Variants in LRIG1 observed in about 807,000 individuals in gnomAD.
LRIG1 encodes leucine-rich repeats and immunoglobulin-like domains protein 1.
Under a neutral mutation model 99.2 loss-of-function variants are expected in LRIG1, and 48 were observed. The ratio of observed to expected loss-of-function variants is 0.48; its 90% CI spans 0.38 to 0.62. The LOEUF (loss-of-function observed/expected upper bound fraction) is 0.62. Ranked by LOEUF, LRIG1 falls within the 20% of genes least tolerant of loss-of-function variation. The probability of loss-of-function intolerance (pLI) is 0.00; values close to 1 mark genes in which losing one functional copy is unlikely to be tolerated. For synonymous variants in LRIG1, 772 were observed against 596.1 expected (o/e 1.29, Z -4.30); for missense variants, 1,646 against 1,434.4 (o/e 1.15, Z -2.38).
At chr3:66,390,732 A>G (rs372411748) in intron 12 of LRIG1, among the ~76,000 whole-genome samples, 2 of 152,216 alleles carry the variant, frequency 1.3e-5, no homozygotes, top group African/African-American at 4.8e-5. Flanking sequence ...ATAAAGGAGG[A>G]AATCTTTGTG....
intron 2 of LRIG1, among the ~76,000 whole-genome samples, chr3:66,457,510 G>A (rs1467269792): frequency 6.6e-6 from 1 of 152,200 alleles, no homozygotes; most frequent in Admixed American, 6.5e-5. Context: ...AATGCACCCA[G>A]CTTGGAGGGC....
At chr3:66,391,198 C>T (rs1165386752) in intron 12 of LRIG1, among the ~76,000 whole-genome samples, 1 of 152,174 alleles carries the variant, frequency 6.6e-6, no homozygotes, top group Non-Finnish European at 1.5e-5. Flanking sequence ...TTGGAATTCT[C>T]ATGCATTGGT....
intron 9 of LRIG1, among the ~76,000 whole-genome samples, chr3:66,400,617 G>C (rs1702016349): frequency 6.6e-6 from 1 of 152,148 alleles, no homozygotes; most frequent in African/African-American, 2.4e-5. Flanking sequence ...CTTGGTCCAG[G>C]ATCTCACCTA....
chr3:66,438,956 G>A (rs540974001), intron 3 of LRIG1, among the ~76,000 whole-genome samples: 2 of 152,356 alleles, frequency 1.3e-5, no homozygotes, highest in East Asian at 3.9e-4. Context: ...ATCTCTCAGG[G>A]ACTACAGCTC....
chr3:66,426,971 C>T (rs960998470), intron 3 of LRIG1, among the ~76,000 whole-genome samples: 3 of 152,232 alleles, frequency 2.0e-5, no homozygotes, highest in African/African-American at 4.8e-5. Context: ...AATCTTAACA[C>T]GTCTTACTTA....
intron 1 of LRIG1, among the ~76,000 whole-genome samples, chr3:66,486,254 T>C (rs1017774001): frequency 2.0e-5 from 3 of 152,178 alleles, no homozygotes; most frequent in African/African-American, 7.2e-5. Flanking sequence ...TTTTTCCTTA[T>C]AACAAGCTTA....
At chr3:66,462,370 A>G (rs1038707392) in intron 2 of LRIG1, 68 bp downstream of exon 2, 47 of 1,143,956 alleles carry the variant, frequency 4.1e-5, no homozygotes, top group Non-Finnish European at 5.8e-5. Context: ...GCGATGCTGC[A>G]ATACAAGAGG....
At chr3:66,418,266 A>AT (rs980461788) in intron 3 of LRIG1, among the ~76,000 whole-genome samples, 9 of 151,556 alleles carry the variant, frequency 5.9e-5, no homozygotes, top group African/African-American at 1.9e-4. Flanking sequence ...TAATTTTTTA[A>AT]TTTTTTTTAG....
intron 2 of LRIG1, among the ~76,000 whole-genome samples, chr3:66,457,718 G>A (rs1575706586): frequency 6.6e-6 from 1 of 152,336 alleles, no homozygotes; most frequent in East Asian, 1.9e-4. Flanking sequence ...GTAAGGGGCA[G>A]AACCAGAAAT....
In LRIG1 at chr3:66,405,262, C is replaced by T. The variant is rs767551795; in HGVS notation, c.1096G>A (p.Glu366Lys). The T allele has an allele frequency of 4.3e-5, 70 of 1,614,024 alleles. No individual in the cohort carries two copies. Among genetic ancestry groups the T allele is most frequent in the Non-Finnish European group, 4.9e-5 (58 of 1,179,996 alleles). The stretch of plus-strand genomic sequence containing the variant: ...GTGTCCTCTATTGTGCCCGAAATCT[C>T]GTTATGGTCCAGATCCCTGGGGAGA... Reference protein sequence around the residue: ...SLRVLDLDHNEISGTIEDTSG... With the variant: ...SLRVLDLDHNKISGTIEDTSG... Residue 366 changes from glutamate to lysine, a missense_variant, in exon 9 of 19, where the codon GAG becomes AAG. Transcript: ENST00000273261.
chr3:66,433,543 T>A lies in LRIG1; in HGVS notation c.366-16277A>T, dbSNP rs116201361. ...CCTCTAAGACAAGATCCTCTCCTCC[T>A]CTGGGGAGGGATACCACTGATGTGC... On this transcript the variant is annotated intron_variant, in intron 3 of 18. Coordinates refer to ENST00000273261, the MANE Select transcript of LRIG1 (RefSeq NM_015541.3). Among the ~76,000 whole-genome samples, 681 of 152,338 alleles carry A rather than the reference T, an allele frequency of 4.5e-3. 8 individuals are homozygous for A. Among genetic ancestry groups the A allele is most frequent in the African/African-American group, 0.015 (641 of 41,584 alleles).
In LRIG1 at chr3:66,403,970, C is replaced by T. The variant is rs904318214; in HGVS notation, c.1160+1228G>A. 3.9e-5 allele frequency among the ~76,000 whole-genome samples: 6 copies of T among 152,210 alleles called. 1 individual carries two copies. The highest frequency in any genetic ancestry group is 9.6e-5 in the African/African-American group (4 of 41,466). ...CCCACTTGGTACTTCTGGCTCTTCC[C>T]AGGTTTGCCCCGTATGGGATAAAAA... On this transcript the variant is annotated intron_variant, in intron 9 of 18. Coordinates refer to ENST00000273261, the MANE Select transcript of LRIG1 (RefSeq NM_015541.3).
rs967925577 is a variant in LRIG1 at position 66,485,114 on chromosome 3, C to T, written c.218+15076G>A. Among the ~76,000 whole-genome samples the T allele has an allele frequency of 2.0e-5, 3 of 147,516 alleles. No individual in the cohort carries two copies. In the South Asian group the frequency reaches 6.4e-4, roughly 31 times the overall value. On this transcript the variant is annotated intron_variant, in intron 1 of 18. Transcript: ENST00000273261. The stretch of plus-strand genomic sequence containing the variant: ...CAAAGGTTGCAGTGAGTCAAGATCA[C>T]ACCACTGTACTCCAACCTGGGTGAC...
At chr3:66,424,362 T>C (rs1362493718) in intron 3 of LRIG1, among the ~76,000 whole-genome samples, 1 of 151,904 alleles carries the variant, frequency 6.6e-6, no homozygotes, top group Non-Finnish European at 1.5e-5. Flanking sequence ...CTCCCCCCCA[T>C]GAAGGTTAGA....
At chr3:66,489,517 TTGTGTGTATGTGTGTGTG>T (rs1290207719) in intron 1 of LRIG1, among the ~76,000 whole-genome samples, 2 of 63,102 alleles carry the variant, frequency 3.2e-5, no homozygotes, top group Non-Finnish European at 7.5e-5. Flanking sequence ...GTGGGACCCT[TTGTGTGTATGTGTGTGTG>T]TGTGTGTGTG....
chr3:66,426,711 G>A (rs531598142), intron 3 of LRIG1, among the ~76,000 whole-genome samples: 170 of 152,308 alleles, frequency 1.1e-3, no homozygotes, highest in Middle Eastern at 3.4e-3. Flanking sequence ...AGTGAAGATA[G>A]ATGGGCAAAC....
chr3:66,428,681 A>G (rs1179855692), intron 3 of LRIG1, among the ~76,000 whole-genome samples: 1 of 152,226 alleles, frequency 6.6e-6, no homozygotes, highest in African/African-American at 2.4e-5. Context: ...TCAGAATGAC[A>G]GTTGAAACCA....
rs1254771994 is a variant in LRIG1 at position 66,414,955 on chromosome 3, A to G, written c.612T>C (p.Pro204=). The part of the protein sequence containing the change: ...RLSKNRITQL[P]VRAFKLPRLT... Reference sequence around the variant, plus strand: ...GCCTGGGTAGCTTGAATGCTCTTACAGGAAGCTGGGTGATCCTGTTTTTGC... The same window carrying G: ...GCCTGGGTAGCTTGAATGCTCTTACGGGAAGCTGGGTGATCCTGTTTTTGC... The change falls in exon 5 of 19, where the codon CCT becomes CCC. Residue 204 remains proline (P), a synonymous_variant. Transcript: ENST00000273261. 6.2e-7 allele frequency: 1 copy of G among 1,611,434 alleles called. No homozygotes were observed. Among genetic ancestry groups the G allele is most frequent in the Non-Finnish European group, 8.5e-7 (1 of 1,178,744 alleles).
intron 7 of LRIG1, 47 bp from the exon 8 acceptor site, chr3:66,407,538 C>T (rs1702314759): frequency 6.2e-7 from 1 of 1,600,016 alleles, no homozygotes; most frequent in African/African-American, 1.3e-5. Flanking sequence ...GTGGTTGCCC[C>T]CCAACCCCAC....
Sources: gnomAD v4.1 joint callset for allele counts (sites outside exome capture counted in the v4.1 genomes callset) on GRCh38, gnomAD v4.1.1 for gene constraint, MANE v1.5 for transcripts, NCBI Gene and HGNC (gene_info 2026-07-23, HGNC 2026-07-21) for gene names.